Variants in ADAMTS20 observed in about 807,000 individuals in gnomAD.
ADAMTS20 encodes the protein A disintegrin and metalloproteinase with thrombospondin motifs 20.
Under a neutral mutation model 260.1 loss-of-function variants are expected in ADAMTS20, and 225 were observed. The ratio of observed to expected loss-of-function variants is 0.87; its 90% confidence interval spans 0.78 to 0.97. The LOEUF is 0.97. Ranked by LOEUF, ADAMTS20 falls within the 50% of genes least tolerant of loss-of-function variation. The pLI, the probability that ADAMTS20 is intolerant of heterozygous loss-of-function variation, is 0.00. For synonymous variants in ADAMTS20, 802 were observed against 769.5 expected, an observed-to-expected ratio of 1.04 and a Z score of -0.70; for missense variants, 2,400 against 2,337.7, an observed-to-expected ratio of 1.03 and a Z score of -0.55.
chr12:43,395,410 T>C (rs1229593977), intron 29 of ADAMTS20, among the ~76,000 whole-genome samples: 3 of 152,150 alleles, frequency 2.0e-5, no homozygotes, highest in African/African-American at 7.2e-5. Flanking sequence ...TTTTGAAATA[T>C]AGACAATATG....
chr12:43,397,868 T>A (rs768923045), intron 29 of ADAMTS20, among the ~76,000 whole-genome samples: 8 of 152,118 alleles, frequency 5.3e-5, no homozygotes. Context: ...ACAAAGAAAT[T>A]TGAGATTTTT....
At chr12:43,414,776 C>T (rs753581902) in intron 28 of ADAMTS20, among the ~76,000 whole-genome samples, 2 of 151,934 alleles carry the variant, frequency 1.3e-5, no homozygotes, top group African/African-American at 4.8e-5. Context: ...AACTAGTTTA[C>T]ACTAGTTTAT....
At chr12:43,500,682 T>C (rs1393011226) in intron 4 of ADAMTS20, among the ~76,000 whole-genome samples, 1 of 152,220 alleles carries the variant, frequency 6.6e-6, no homozygotes, top group Non-Finnish European at 1.5e-5. Context: ...TTTTTATTTA[T>C]CACAATGCAC....
intron 7 of ADAMTS20, among the ~76,000 whole-genome samples, chr12:43,475,018 G>C (rs1289103545): frequency 1.5e-5 from 2 of 133,326 alleles, no homozygotes; most frequent in African/African-American, 2.8e-5. Context: ...GGAAATAAAG[G>C]GTATTCAATT....
chr12:43,508,008 G>T lies in ADAMTS20; in HGVS notation c.614-5603C>A, dbSNP rs1025164658. Among the ~76,000 whole-genome samples the T allele has an allele frequency of 2.6e-5, 4 of 152,116 alleles. No individual in the cohort carries two copies. The East Asian group carries it at 7.7e-4, about 29-fold the overall frequency. On this transcript the variant is annotated intron_variant, in intron 3 of 38. Transcript: ENST00000389420. Reference sequence around the variant, plus strand: ...CTTGAGAGTGGAGGGTGAGAGGAGGGAGAGGAGCAGAAAAAAAATAATTAT... The same window carrying T: ...CTTGAGAGTGGAGGGTGAGAGGAGGTAGAGGAGCAGAAAAAAAATAATTAT...
At chr12:43,447,528 C>G (rs1242019903) in intron 14 of ADAMTS20, among the ~76,000 whole-genome samples, 2 of 152,094 alleles carry the variant, frequency 1.3e-5, no homozygotes, top group Non-Finnish European at 2.9e-5. Flanking sequence ...AAACCCACAA[C>G]AGCTATTATA....
intron 2 of ADAMTS20, among the ~76,000 whole-genome samples, chr12:43,533,486 C>T (rs1221828057): frequency 7.5e-5 from 5 of 66,626 alleles, no homozygotes; most frequent in Non-Finnish European, 1.4e-4. Flanking sequence ...AGGACACAAA[C>T]AAATGGAAGA....
intron 3 of ADAMTS20, 60 bp from the exon 4 acceptor site, chr12:43,502,465 G>T (rs957833563): frequency 2.7e-5 from 41 of 1,508,228 alleles, no homozygotes; most frequent in Non-Finnish European, 3.5e-6. Flanking sequence ...GAAAAATATC[G>T]CAAAAAATAG....
intron 36 of ADAMTS20, among the ~76,000 whole-genome samples, chr12:43,369,820 C>T (rs1345453483): frequency 2.6e-5 from 4 of 152,030 alleles, no homozygotes; most frequent in Non-Finnish European, 5.9e-5. Context: ...CAAAATCTCT[C>T]CACAAAAAAG....
intron 24 of ADAMTS20, among the ~76,000 whole-genome samples, chr12:43,429,264 G>C (rs1431363760): frequency 6.6e-6 from 1 of 152,056 alleles, no homozygotes; most frequent in East Asian, 1.9e-4. Flanking sequence ...ATACGTTAAA[G>C]CTTTCAGTGT....
chr12:43,423,946 T>C (rs1433027142), intron 28 of ADAMTS20: 1 of 702,638 alleles, frequency 1.4e-6, no homozygotes, highest in South Asian at 1.5e-5. Context: ...AAATGTTCTG[T>C]TGTTTAATAT....
intron 28 of ADAMTS20, among the ~76,000 whole-genome samples, chr12:43,416,634 C>G (rs1039407722): frequency 6.6e-6 from 1 of 151,536 alleles, no homozygotes; most frequent in Non-Finnish European, 1.5e-5. Flanking sequence ...CACCATTCTC[C>G]CTCAGCCTCC....
rs562966525 is a variant in ADAMTS20 at position 43,412,778 on chromosome 12, C to A, written c.4284+12736G>T. ...TAAAGAGGTTGCCCTTAGATAGATT[C>A]TCTAGTTAGCAGAATAGGAAATAAT... On this transcript the variant is annotated intron_variant, in intron 28 of 38. Coordinates refer to ENST00000389420, the MANE Select transcript of ADAMTS20 (RefSeq NM_025003.5). 5.5e-5 allele frequency among the ~76,000 whole-genome samples: 8 copies of A among 145,194 alleles called. No homozygotes were observed. The East Asian group carries it at 1.6e-3, about 29-fold the overall frequency.
intron 4 of ADAMTS20, among the ~76,000 whole-genome samples, chr12:43,501,481 G>GCGCGCGCGCGCACACACA (rs373746834): frequency 8.5e-6 from 1 of 117,810 alleles, no homozygotes; most frequent in Non-Finnish European, 1.8e-5. Flanking sequence ...GCGCGCGCGC[G>GCGCGCGCGCGCACACACA]CACACACACA....
chr12:43,544,540 T>C (rs1385861696), intron 2 of ADAMTS20, among the ~76,000 whole-genome samples: 1 of 152,120 alleles, frequency 6.6e-6, no homozygotes, highest in African/African-American at 2.4e-5. Flanking sequence ...CGTCAACTGG[T>C]ACAACAAGGA....
At chr12:43,527,131 T>C (rs1362527830) in intron 3 of ADAMTS20, among the ~76,000 whole-genome samples, 1 of 151,908 alleles carries the variant, frequency 6.6e-6, no homozygotes, top group African/African-American at 2.4e-5. Context: ...CATCGTAGAG[T>C]AAATCAGGAA....
chr12:43,532,621 G>T, intron 2 of ADAMTS20, among the ~76,000 whole-genome samples: 1 of 116,256 alleles, frequency 8.6e-6, no homozygotes. Flanking sequence ...AGTTACATAT[G>T]TATACATGTG....
At chr12:43,465,749 T>C (rs943523700) in intron 9 of ADAMTS20, among the ~76,000 whole-genome samples, 6 of 152,090 alleles carry the variant, frequency 3.9e-5, no homozygotes, top group Admixed American at 2.6e-4. Context: ...CAAAGCTATA[T>C]ACAATTCTGT....
intron 31 of ADAMTS20, among the ~76,000 whole-genome samples, chr12:43,380,087 T>C (rs905361020): frequency 2.0e-5 from 3 of 152,132 alleles, no homozygotes; most frequent in Non-Finnish European, 2.9e-5. Flanking sequence ...AAAAGGATTA[T>C]ACACCATGAC....
Sources: gnomAD v4.1 joint callset for allele counts (sites outside exome capture counted in the v4.1 genomes callset) on GRCh38, gnomAD v4.1.1 for gene constraint, MANE v1.5 for transcripts, NCBI Gene and HGNC (gene_info 2026-07-23, HGNC 2026-07-21) for gene names.